GRM4: variants seen among roughly 807,000 people sequenced by gnomAD.
GRM4 encodes metabotropic glutamate receptor 4.
A neutral mutation model predicts 81.7 loss-of-function variants in GRM4; 28 were observed. The observed-to-expected ratio is 0.34, with a 90% CI of 0.25 to 0.47. GRM4 has a LOEUF of 0.47. Among genes scored for constraint, GRM4 ranks in the 20% least tolerant of loss-of-function variants. The pLI, the probability that GRM4 is intolerant of heterozygous loss-of-function variation, is 1.00. For synonymous variants in GRM4, 488 were observed against 528.8 expected (o/e 0.92, Z 1.06); for missense variants, 948 against 1,290.0 (o/e 0.73, Z 4.06).
At chr6:34,060,224 C>G (rs1766110721) in intron 4 of GRM4, 1 of 152,180 alleles carries the variant, frequency 6.6e-6, no homozygotes, top group Non-Finnish European at 1.5e-5. Context: ...CTTTCCAGCT[C>G]TGCTCACTGG....
chr6:34,053,903 G>GC (rs1214174255), intron 6 of GRM4, among the ~76,000 whole-genome samples: 2 of 152,172 alleles, frequency 1.3e-5, no homozygotes, highest in Non-Finnish European at 2.9e-5. Context: ...CACGGCCTAG[G>GC]CCCCACCCCT....
chr6:34,101,933 G>A (rs141409855), intron 2 of GRM4: 278 of 1,289,072 alleles, frequency 2.2e-4, no homozygotes, highest in Middle Eastern at 1.8e-3. Context: ...CTTCTCTCCC[G>A]GAGGCCAGGG....
At position 34,145,984 on chromosome 6, in the gene GRM4, G is replaced by C; in HGVS notation, c.-364+16C>G. On this transcript the variant is annotated intron_variant, in intron 1 of 10. Coordinates refer to ENST00000538487, the MANE Select transcript of GRM4 (RefSeq NM_000841.4). ...CCCCCCCTTCCTCCTCCCCGTGCGC[G>C]TGCCAGCTCACCTACCCCGAGGACA... 1 of 983,734 alleles carries C rather than the reference G, an allele frequency of 1.0e-6. No individual in the cohort carries two copies. Among genetic ancestry groups the C allele is most frequent in the Non-Finnish European group, 1.2e-6 (1 of 829,460 alleles). The allele number at this position is 983,734 out of a possible 1,614,324, so 60.9% of individuals were successfully genotyped here.
intron 10 of GRM4, among the ~76,000 whole-genome samples, chr6:34,025,378 C>T (rs908332913): frequency 6.6e-6 from 1 of 152,118 alleles, no homozygotes; most frequent in African/African-American, 2.4e-5. Flanking sequence ...CAGCTCCTGG[C>T]TCAGAGGTGA....
chr6:34,095,264 G>A (rs189901461), intron 2 of GRM4, among the ~76,000 whole-genome samples: 221 of 152,204 alleles, frequency 1.5e-3, no homozygotes, highest in Middle Eastern at 3.4e-3. Flanking sequence ...ACAGGATCCC[G>A]GGGATAAGCC....
At chr6:34,148,433 G>T (rs1025406477), upstream of GRM4, among the ~76,000 whole-genome samples, 10 of 151,386 alleles carry the variant, frequency 6.6e-5, no homozygotes, top group African/African-American at 2.4e-4. Context: ...CACACACACT[G>T]AGAGACACAC....
intron 3 of GRM4, among the ~76,000 whole-genome samples, chr6:34,071,183 CT>C (rs936164551): frequency 1.3e-4 from 19 of 151,858 alleles, no homozygotes; most frequent in Non-Finnish European, 2.9e-5. Flanking sequence ...CAGACAACCC[CT>C]AGCCACACAC....
At chr6:34,139,685 G>A (rs925155037) in intron 1 of GRM4, among the ~76,000 whole-genome samples, 1 of 152,250 alleles carries the variant, frequency 6.6e-6, no homozygotes, top group Non-Finnish European at 1.5e-5. Context: ...ACACAGGAAA[G>A]ACTCAGTAAC....
At chr6:34,140,385 C>T (rs540256925) in intron 1 of GRM4, among the ~76,000 whole-genome samples, 1 of 152,098 alleles carries the variant, frequency 6.6e-6, no homozygotes, top group Admixed American at 6.5e-5. Context: ...CCTTATCGAC[C>T]ACGGTGTGGA....
chr6:34,119,353 AC>A (rs1350602647), intron 2 of GRM4, among the ~76,000 whole-genome samples: 4 of 152,288 alleles, frequency 2.6e-5, no homozygotes, highest in East Asian at 1.9e-4. Context: ...CTGAGATCGC[AC>A]CACTGCACTC....
chr6:34,051,926 G>A (rs1163736667), intron 6 of GRM4, among the ~76,000 whole-genome samples: 1 of 152,202 alleles, frequency 6.6e-6, no homozygotes, highest in African/African-American at 2.4e-5. Flanking sequence ...CACGTGGCTG[G>A]GAAGTGGCAG....
chr6:34,040,210 T>G lies in GRM4; in HGVS notation c.1474A>C (p.Ile492Leu), dbSNP rs1284245211. 6.2e-7 allele frequency: 1 copy of G among 1,614,152 alleles called. No individual in the cohort carries two copies. The highest frequency in any genetic ancestry group is 8.5e-7 in the Non-Finnish European group (1 of 1,179,932). The change falls in exon 8 of 11, where the codon ATT becomes CTT. Residue 492 changes from isoleucine (I) to leucine (L), a missense_variant. By Grantham distance (5) the Ile-to-Leu change is conservative. Transcript: ENST00000538487. ...TGCAGGTGGTCAGTCCAGGAGCCAA[T>G]GACCTTGTACTCGGCAGAATCGTTG... ...LRNDSAEYKV[I>L]GSWTDHLHLR...
chr6:34,103,515 CGCGA>C (rs1768953078), intron 2 of GRM4: 1 of 1,296,818 alleles, frequency 7.7e-7, no homozygotes, highest in African/African-American at 1.5e-5. Context: ...GGAGAGCAAA[CGCGA>C]TCCTCAAATC....
intron 2 of GRM4, among the ~76,000 whole-genome samples, chr6:34,132,046 A>G (rs1360534977): frequency 1.3e-5 from 2 of 152,144 alleles, no homozygotes; most frequent in Non-Finnish European, 2.9e-5. Flanking sequence ...TATTGGTAAA[A>G]TGCTTGTAAT....
intron 2 of GRM4, among the ~76,000 whole-genome samples, chr6:34,108,467 C>T (rs1561818030): frequency 6.6e-6 from 1 of 152,244 alleles, no homozygotes; most frequent in Non-Finnish European, 1.5e-5. Context: ...TGAGCCAGGG[C>T]TTGAACCCTC....
chr6:34,110,736 C>G (rs1016519667), intron 2 of GRM4: 2 of 1,505,314 alleles, frequency 1.3e-6, no homozygotes. Flanking sequence ...GCTGGTAGCA[C>G]CTGCAGCCCG....
At position 34,111,587 on chromosome 6, in the gene GRM4, AC is replaced by A. The variant is rs1414077839; in HGVS notation, c.520-19489del. On this transcript the variant is annotated intron_variant, in intron 2 of 10. Coordinates refer to ENST00000538487, the MANE Select transcript of GRM4 (RefSeq NM_000841.4). This position sits in a 1 kb window ranked among gnomAD's most constrained non-coding sequence, Gnocchi z 5.1. ...CAAGAGAGTGCTGTCCCCCATCCAC[AC>A]CCCGGCAGGGGACAGCTTTCTGCAG... Among the ~76,000 whole-genome samples, 1 of 151,998 alleles carries A rather than the reference AC, an allele frequency of 6.6e-6. No homozygotes were observed. The highest frequency in any genetic ancestry group is 2.4e-5 in the African/African-American group (1 of 41,354).
intron 1 of GRM4, among the ~76,000 whole-genome samples, chr6:34,137,988 A>G (rs1770531353): frequency 6.6e-6 from 1 of 152,092 alleles, no homozygotes; most frequent in South Asian, 2.1e-4. Context: ...AGAAAGAACC[A>G]CAAACCACAA....
In GRM4 at chr6:34,062,046, G is replaced by C; in HGVS notation, c.737-18C>G. ...CACGCCCCCTGCAGGAGGGGCACCA[G>C]TTAGTTGGGGTGGGCAGGGGAACCT... On this transcript the variant is annotated intron_variant, in intron 3 of 10. Coordinates refer to ENST00000538487, the MANE Select transcript of GRM4 (RefSeq NM_000841.4). 6.3e-7 allele frequency: 1 copy of C among 1,598,746 alleles called. No homozygotes were observed. Among genetic ancestry groups the C allele is most frequent in the Non-Finnish European group, 8.6e-7 (1 of 1,168,722 alleles).
Sources: gnomAD v4.1 joint callset for allele counts (sites outside exome capture counted in the v4.1 genomes callset) on GRCh38, gnomAD v4.1.1 for gene constraint, Gnocchi (gnomAD v3.1) non-coding constraint, MANE v1.5 for transcripts, NCBI Gene and HGNC (gene_info 2026-07-23, HGNC 2026-07-21) for gene names.